Variants in CAMK1D observed in about 807,000 individuals in gnomAD.
CAMK1D encodes calcium/calmodulin-dependent protein kinase type 1D.
Under a neutral mutation model 47.7 loss-of-function variants are expected in CAMK1D, and 9 were observed. The observed-to-expected ratio is 0.19, with a 90% CI of 0.11 to 0.33. The LOEUF (loss-of-function observed/expected upper bound fraction) is 0.33, where lower values mean the gene tolerates loss of function less well. Ranked by LOEUF, CAMK1D falls within the 10% of genes least tolerant of loss-of-function variation. CAMK1D has a pLI of 1.00. For synonymous variants in CAMK1D, 184 were observed against 184.9 expected (o/e 0.99, Z 0.04); for missense variants, 291 against 488.7 (o/e 0.60, Z 3.81).
chr10:12,486,552 C>CACACACAT (rs34240385), intron 1 of CAMK1D, among the ~76,000 whole-genome samples: 5 of 151,918 alleles, frequency 3.3e-5, no homozygotes, highest in Admixed American at 6.5e-5. Flanking sequence ...CACACACACA[C>CACACACAT]GTACAGACAC....
intron 6 of CAMK1D, among the ~76,000 whole-genome samples, chr10:12,795,521 C>G (rs772927028): frequency 6.6e-6 from 1 of 152,200 alleles, no homozygotes; most frequent in African/African-American, 2.4e-5. Context: ...TCTTCCCAGC[C>G]ACTGTAATGG....
chr10:12,397,962 A>T (rs946328209), intron 1 of CAMK1D, among the ~76,000 whole-genome samples: 2 of 152,192 alleles, frequency 1.3e-5, no homozygotes, highest in Admixed American at 6.5e-5. Flanking sequence ...TTTCTAAAAT[A>T]ATTTTGTAAA....
chr10:12,691,394 TATATATATAAATATATATA>T (rs1832903765), intron 3 of CAMK1D, among the ~76,000 whole-genome samples: 1 of 7,338 alleles, frequency 1.4e-4, no homozygotes, highest in African/African-American at 4.7e-4. Flanking sequence ...TATATATATA[TATATATATAAATATATATA>T]TATATATATT....
intron 3 of CAMK1D, among the ~76,000 whole-genome samples, chr10:12,704,464 C>T (rs1479019380): frequency 6.6e-6 from 1 of 151,916 alleles, no homozygotes; most frequent in Non-Finnish European, 1.5e-5. Flanking sequence ...CAGATGATAC[C>T]CTGTTTTCAA....
chr10:12,703,662 A>G (rs1304126359), intron 3 of CAMK1D, among the ~76,000 whole-genome samples: 1 of 152,190 alleles, frequency 6.6e-6, no homozygotes, highest in Non-Finnish European at 1.5e-5. Flanking sequence ...TGAGGTCAGG[A>G]GTTCGAGACC....
At chr10:12,409,108 C>T (rs927769133) in intron 1 of CAMK1D, among the ~76,000 whole-genome samples, 13 of 152,114 alleles carry the variant, frequency 8.5e-5, no homozygotes, top group African/African-American at 2.9e-4. Context: ...CTGCCTGCCT[C>T]AACCTCCCAA....
At chr10:12,697,970 TC>T (rs1833363364) in intron 3 of CAMK1D, among the ~76,000 whole-genome samples, 1 of 152,238 alleles carries the variant, frequency 6.6e-6, no homozygotes, top group African/African-American at 2.4e-5. Flanking sequence ...TCCTATGAAG[TC>T]CATTCAGTTT....
intron 1 of CAMK1D, among the ~76,000 whole-genome samples, chr10:12,368,966 C>T (rs1471396110): frequency 2.6e-5 from 4 of 152,034 alleles, no homozygotes; most frequent in African/African-American, 4.8e-5. Context: ...TACAGGCATG[C>T]ACCACCAAGC....
At chr10:12,455,450 A>G (rs989542959) in intron 1 of CAMK1D, among the ~76,000 whole-genome samples, 4 of 152,354 alleles carry the variant, frequency 2.6e-5, no homozygotes, top group Non-Finnish European at 4.4e-5. Context: ...TTGGGATTAC[A>G]GGCATGAGCC....
rs555597380 is a variant in CAMK1D at position 12,368,123 on chromosome 10, C to A, written c.92+18213C>A. Among the ~76,000 whole-genome samples the A allele has an allele frequency of 2.7e-5, 4 of 150,376 alleles. No homozygotes were observed. In the South Asian group the frequency reaches 8.4e-4, roughly 31 times the overall value. On this transcript the variant is annotated intron_variant, in intron 1 of 10. Coordinates refer to ENST00000619168, the MANE Select transcript of CAMK1D (RefSeq NM_153498.4). Reference sequence around the variant, plus strand: ...AGGAGAATGGCGTGAGCCCGGGAGGCGGAGCTTGCAGTGAGCCGAGATTGC... The same window carrying A: ...AGGAGAATGGCGTGAGCCCGGGAGGAGGAGCTTGCAGTGAGCCGAGATTGC...
At chr10:12,683,801 A>T (rs1453822355) in intron 3 of CAMK1D, among the ~76,000 whole-genome samples, 1 of 151,212 alleles carries the variant, frequency 6.6e-6, no homozygotes, top group Non-Finnish European at 1.5e-5. Flanking sequence ...ACTAATCTAT[A>T]AGTACAATTT....
intron 2 of CAMK1D, among the ~76,000 whole-genome samples, chr10:12,598,997 C>G (rs535660719): frequency 1.5e-3 from 222 of 152,234 alleles, no homozygotes; most frequent in Admixed American, 3.5e-3. Flanking sequence ...AGTAATGATG[C>G]ACGAGAATGC....
intron 1 of CAMK1D, among the ~76,000 whole-genome samples, chr10:12,526,933 C>G (rs769755140): frequency 4.0e-5 from 6 of 150,748 alleles, no homozygotes; most frequent in Non-Finnish European, 8.8e-5. Flanking sequence ...TGCCTCTAGT[C>G]CCAGCTACTC....
chr10:12,816,285 C>T lies in CAMK1D; in HGVS notation c.790C>T (p.Pro264Ser). Reference protein sequence around the residue: ...DFIRNLMEKDPNKRYTCEQAA... With the variant: ...DFIRNLMEKDSNKRYTCEQAA... ...CATTCGGAACCTGATGGAGAAGGAC[C>T]CGAATAAAAGATACACGTGTGAGCA... is the stretch of plus-strand genomic sequence containing the variant. Residue 264 changes from proline to serine, a missense_variant, in exon 8 of 11, where the codon CCG becomes TCG. By Grantham distance (74) the Pro-to-Ser change is moderately conservative (BLOSUM62 -1). Around this residue, in one of 2 missense-constraint regions of CAMK1D, gnomAD observed 219 missense variants for 424.3 expected, o/e 0.52. Transcript: ENST00000619168. The T allele has an allele frequency of 6.2e-7, 1 of 1,613,694 alleles. No homozygotes were observed. Among genetic ancestry groups the T allele is most frequent in the Non-Finnish European group, 8.5e-7 (1 of 1,179,828 alleles).
Position 12,374,287 on chromosome 10 carries a change from A to G in CAMK1D, c.92+24377A>G, listed in dbSNP as rs578066829. Among the ~76,000 whole-genome samples, 12 of 151,514 alleles carry G rather than the reference A, an allele frequency of 7.9e-5. No individual in the cohort carries two copies. In the South Asian group the frequency reaches 1.9e-3, roughly 24 times the overall value. ...AAAAAAAAAAAAAAAAAAAGAAAAAAGAAAAAAAGAGCCTAGGTGGCAAAA... is the reference window on the plus strand; with the variant it reads ...AAAAAAAAAAAAAAAAAAAGAAAAAGGAAAAAAAGAGCCTAGGTGGCAAAA... On this transcript the variant is annotated intron_variant, in intron 1 of 10. Transcript: ENST00000619168.
intron 2 of CAMK1D, among the ~76,000 whole-genome samples, chr10:12,664,253 C>T (rs994163087): frequency 6.6e-6 from 1 of 152,164 alleles, no homozygotes; most frequent in African/African-American, 2.4e-5. Flanking sequence ...AGACACATAG[C>T]AGAAACGCAG....
chr10:12,734,355 TATATATATATATATATATATATAG>T (rs1302378181), intron 3 of CAMK1D, among the ~76,000 whole-genome samples: 238 of 4,426 alleles, frequency 0.054, 14 homozygotes, highest in African/African-American at 0.1. Flanking sequence ...AATATATATA[TATATATATATATATATATATATAG>T]ATATAGATAT....
intron 6 of CAMK1D, among the ~76,000 whole-genome samples, chr10:12,812,647 G>A (rs929042224): frequency 3.9e-5 from 6 of 152,062 alleles, no homozygotes; most frequent in East Asian, 1.9e-4. Flanking sequence ...AACTGCCACC[G>A]TGGCTGCCAC....
chr10:12,426,996 TG>T (rs1181242094), intron 1 of CAMK1D, among the ~76,000 whole-genome samples: 1 of 152,206 alleles, frequency 6.6e-6, no homozygotes, highest in African/African-American at 2.4e-5. Flanking sequence ...ATTACAGGCC[TG>T]AGCCACTGTG....
Sources: gnomAD v4.1 joint callset for allele counts (sites outside exome capture counted in the v4.1 genomes callset) on GRCh38, gnomAD v4.1.1 for gene constraint, gnomAD v4.1.1 regional missense constraint, MANE v1.5 for transcripts, NCBI Gene and HGNC (gene_info 2026-07-23, HGNC 2026-07-21) for gene names.